ACTR3C: variants seen among roughly 807,000 people sequenced by gnomAD.
The protein encoded by ACTR3C is actin related protein 3C.
Under a neutral mutation model 26.3 loss-of-function variants are expected in ACTR3C, and 18 were observed. The ratio of observed to expected loss-of-function variants is 0.68; its 90% confidence interval spans 0.47 to 1.01. ACTR3C has a LOEUF of 1.01. Ranked by LOEUF, ACTR3C falls within the 50% of genes least tolerant of loss-of-function variation. ACTR3C has a pLI of 0.00. For missense variants in ACTR3C, 184 were observed against 250.7 expected, an observed-to-expected ratio of 0.73 and a Z score of 1.80; for synonymous variants, 55 against 94.5, an observed-to-expected ratio of 0.58 and a Z score of 2.42.
At chr7:149,933,767 A>G in the ACTR3C span, among the ~76,000 whole-genome samples, 3 of 152,154 alleles carry the variant, frequency 2.0e-5, no homozygotes, top group African/African-American at 7.2e-5. Flanking sequence ...AACGCTAGTC[A>G]GACTCCAGGT....
chr7:150,237,164 T>G, the ACTR3C span, among the ~76,000 whole-genome samples: 2 of 152,136 alleles, frequency 1.3e-5, no homozygotes, highest in Non-Finnish European at 2.9e-5. Context: ...GAGGAAGAAC[T>G]GCGGAGAGGG....
intron 2 of ACTR3C, among the ~76,000 whole-genome samples, chr7:150,293,861 A>G (rs927234847): frequency 1.3e-5 from 2 of 152,218 alleles, no homozygotes; most frequent in Non-Finnish European, 2.9e-5. Flanking sequence ...CCTTCATCCC[A>G]GAAGGTCGCA....
the ACTR3C span, among the ~76,000 whole-genome samples, chr7:150,187,687 C>T: frequency 8.0e-6 from 1 of 124,988 alleles, no homozygotes. Context: ...CTGATGTTAT[C>T]TCCTGACCAG....
At chr7:150,323,142 T>C (rs1797730391) in intron 1 of ACTR3C, 1 of 203,714 alleles carries the variant, frequency 4.9e-6, no homozygotes, top group Non-Finnish European at 1.0e-5. Context: ...TTACCGACTG[T>C]TGACCTCACG....
chr7:149,950,002 T>A, the ACTR3C span, among the ~76,000 whole-genome samples: 116 of 145,106 alleles, frequency 8.0e-4, 5 homozygotes, highest in African/African-American at 2.5e-3. Context: ...AGGGAGGAAG[T>A]GCACCCACGG....
At chr7:150,152,309 G>A in the ACTR3C span, among the ~76,000 whole-genome samples, 1,179 of 151,950 alleles carry the variant, frequency 7.8e-3, 18 homozygotes, top group African/African-American at 0.027. Context: ...TTTGAGATAC[G>A]TCCCATCAAT....
the ACTR3C span, among the ~76,000 whole-genome samples, chr7:150,207,095 A>G: frequency 6.6e-6 from 1 of 152,216 alleles, no homozygotes; most frequent in Admixed American, 6.5e-5. Flanking sequence ...GTTGCAAAGG[A>G]TTACAGTTAT....
At chr7:149,917,067 G>T in the ACTR3C span, among the ~76,000 whole-genome samples, 1 of 115,348 alleles carries the variant, frequency 8.7e-6, no homozygotes, top group Admixed American at 1.2e-4. Context: ...ATTATTATTT[G>T]CCCCAAATAT....
chr7:149,930,293 G>T, the ACTR3C span, among the ~76,000 whole-genome samples: 1 of 152,146 alleles, frequency 6.6e-6, no homozygotes, highest in Non-Finnish European at 1.5e-5. Context: ...GGGAAAATGT[G>T]TCCTCAGAAA....
chr7:150,141,815 T>A, the ACTR3C span, among the ~76,000 whole-genome samples: 1 of 151,810 alleles, frequency 6.6e-6, no homozygotes, highest in Non-Finnish European at 1.5e-5. Flanking sequence ...TCCAAGCGCT[T>A]GCCAAGCAGT....
chr7:150,138,391 C>T, the ACTR3C span, among the ~76,000 whole-genome samples: 1 of 152,196 alleles, frequency 6.6e-6, no homozygotes, highest in Non-Finnish European at 1.5e-5. Context: ...ATTCTGCAGA[C>T]AGTATCAAAT....
At chr7:150,040,167 A>G in the ACTR3C span, among the ~76,000 whole-genome samples, 1 of 148,274 alleles carries the variant, frequency 6.7e-6, no homozygotes, top group Non-Finnish European at 1.5e-5. Flanking sequence ...CCCAAGAATC[A>G]GCTTATTTGC....
At position 150,286,483 on chromosome 7, in the gene ACTR3C, C is replaced by T. The variant is rs1465484992; in HGVS notation, c.355G>A (p.Asp119Asn). 1 of 1,611,574 alleles carries T rather than the reference C, an allele frequency of 6.2e-7. No homozygotes were observed. The highest frequency in any genetic ancestry group is 1.7e-5 in the Admixed American group (1 of 59,914). The change falls in exon 5 of 8, where the codon GAT (aspartate) becomes AAT (asparagine). Residue 119 changes from aspartate (D) to asparagine (N), a missense_variant. Asp to Asn is a conservative substitution (Grantham distance 23, BLOSUM62 1). Transcript: ENST00000683684. ...IVKEFAKYDV[D>N]PQKWIKQYTG... ...TACTGTTTGATCCACTTCTGGGGAT[C>T]CACATCATACTTGGCAAATTCCTTG...
the ACTR3C span, among the ~76,000 whole-genome samples, chr7:150,105,019 G>A: frequency 6.6e-6 from 1 of 151,560 alleles, no homozygotes; most frequent in Admixed American, 6.6e-5. Context: ...TAGTTGAAGG[G>A]TGTTATTGAG....
chr7:149,980,758 T>C, the ACTR3C span, among the ~76,000 whole-genome samples: 1 of 152,214 alleles, frequency 6.6e-6, no homozygotes, highest in Non-Finnish European at 1.5e-5. Context: ...TATATAAATA[T>C]GATGGATAAG....
At chr7:150,064,330 G>A in the ACTR3C span, among the ~76,000 whole-genome samples, 41 of 147,314 alleles carry the variant, frequency 2.8e-4, no homozygotes, top group East Asian at 5.2e-3. Context: ...TGAGGTGGGC[G>A]GATCACCTGA....
the ACTR3C span, among the ~76,000 whole-genome samples, chr7:150,090,362 T>C: frequency 6.6e-5 from 10 of 152,262 alleles, no homozygotes; most frequent in Admixed American, 2.0e-4. Flanking sequence ...AATGTCCTCA[T>C]GATAGCTCAG....
At chr7:149,987,862 C>T in the ACTR3C span, among the ~76,000 whole-genome samples, 4 of 152,130 alleles carry the variant, frequency 2.6e-5, no homozygotes, top group East Asian at 1.9e-4. Context: ...ATGACATAAG[C>T]TTATCTATAT....
the ACTR3C span, among the ~76,000 whole-genome samples, chr7:150,035,645 A>C: frequency 2.8e-3 from 372 of 132,908 alleles, 41 homozygotes; most frequent in African/African-American, 7.8e-3. Flanking sequence ...TACTTGGACA[A>C]CTAACACTCG....
Sources: allele counts gnomAD v4.1 joint callset (sites outside exome capture counted in the v4.1 genomes callset), GRCh38; gene constraint gnomAD v4.1.1; transcripts MANE v1.5; gene names NCBI Gene and HGNC (gene_info 2026-07-23, HGNC 2026-07-21).